The following OR51B5 variants were observed in gnomAD, a reference collection of about 807,000 sequenced individuals.
The protein encoded by OR51B5 is olfactory receptor family 51 subfamily B member 5, also known as olfactory receptor 51B5.
For missense variants in OR51B5, 456 were observed against 374.6 expected, an observed-to-expected ratio of 1.22 and a Z score of -1.79; for synonymous variants, 186 against 144.8, an observed-to-expected ratio of 1.28 and a Z score of -2.04.
intron 1 of OR51B5, among the ~76,000 whole-genome samples, chr11:5,437,780 C>A (rs1850612284): frequency 1.3e-5 from 2 of 152,170 alleles, no homozygotes; most frequent in African/African-American, 2.4e-5. Flanking sequence ...CAAACAGATT[C>A]TTTTTCCCAA....
At chr11:5,409,439 T>C (rs1179314556) in intron 1 of OR51B5, among the ~76,000 whole-genome samples, 1 of 151,914 alleles carries the variant, frequency 6.6e-6, no homozygotes, top group African/African-American at 2.4e-5. Flanking sequence ...AAAAAGCTGA[T>C]GAAATAATGG....
At chr11:5,487,753 T>A (rs1851518483) in intron 1 of OR51B5, among the ~76,000 whole-genome samples, 1 of 152,212 alleles carries the variant, frequency 6.6e-6, no homozygotes, top group Non-Finnish European at 1.5e-5. Context: ...CATTCTGATC[T>A]GACCTCACAG....
At chr11:5,418,296 C>T (rs1188397312) in intron 1 of OR51B5, among the ~76,000 whole-genome samples, 3 of 151,956 alleles carry the variant, frequency 2.0e-5, no homozygotes, top group African/African-American at 7.3e-5. Flanking sequence ...GGGAGATATA[C>T]CTAATGCTAG....
At chr11:5,357,761 T>C (rs924628722) in intron 1 of OR51B5, among the ~76,000 whole-genome samples, 2 of 149,706 alleles carry the variant, frequency 1.3e-5, no homozygotes, top group Admixed American at 6.7e-5. Context: ...CCTCAGCAAA[T>C]GTAAAAGAAC....
chr11:5,471,629 C>T (rs959612465), intron 1 of OR51B5, among the ~76,000 whole-genome samples: 8 of 110,826 alleles, frequency 7.2e-5, no homozygotes, highest in African/African-American at 2.7e-4. Flanking sequence ...GAGCAAGACT[C>T]TGTCTCAAAA....
intron 1 of OR51B5, among the ~76,000 whole-genome samples, chr11:5,484,760 C>T (rs1851476469): frequency 6.6e-6 from 1 of 152,168 alleles, no homozygotes; most frequent in East Asian, 1.9e-4. Flanking sequence ...GGCCTTGGCC[C>T]TTGTCTTTGA....
intron 1 of OR51B5, among the ~76,000 whole-genome samples, chr11:5,363,353 G>GTTTTTTT (rs112565550): frequency 1.8e-5 from 2 of 110,676 alleles, no homozygotes; most frequent in Non-Finnish European, 1.9e-5. Flanking sequence ...GTTTTTTTTG[G>GTTTTTTT]TTTTTGTTTT....
In OR51B5 at chr11:5,375,677, C is replaced by T. The variant is rs577932087; in HGVS notation, n.85-28767G>A. Among the ~76,000 whole-genome samples, 209 of 152,138 alleles carry T rather than the reference C, an allele frequency of 1.4e-3. 1 individual carries two copies. The highest frequency in any genetic ancestry group is 4.8e-3 in the African/African-American group (200 of 41,512). On this transcript the variant is annotated intron_variant and non_coding_transcript_variant, in intron 1 of 4. Transcript: ENST00000415970. ...GTTGCAATCCTAGTCTCTGATAAAACAGGCTTTAAACCAACAAAGATCAAA... is the reference window on the plus strand; with the variant it reads ...GTTGCAATCCTAGTCTCTGATAAAATAGGCTTTAAACCAACAAAGATCAAA...
At chr11:5,345,156 A>C (rs765691812), upstream of OR51B5, among the ~76,000 whole-genome samples, 7 of 152,196 alleles carry the variant, frequency 4.6e-5, no homozygotes, top group Non-Finnish European at 7.4e-5. Context: ...TTCTTACTAT[A>C]AATGTAGTAA....
intron 1 of OR51B5, among the ~76,000 whole-genome samples, chr11:5,442,975 T>C (rs965911287): frequency 2.6e-5 from 4 of 152,166 alleles, no homozygotes; most frequent in African/African-American, 9.7e-5. Flanking sequence ...GGCTTCTCCT[T>C]CTCTGCCTTC....
intron 1 of OR51B5, among the ~76,000 whole-genome samples, chr11:5,419,967 C>T (rs1240675240): frequency 6.6e-6 from 1 of 151,284 alleles, no homozygotes; most frequent in Non-Finnish European, 1.5e-5. Context: ...TTTCTATTTA[C>T]ATTTCAATGT....
chr11:5,489,290 T>G lies in OR51B5; in HGVS notation n.84+16279A>C. ...ATTGCCCGACTGGCCTGTGCCAACA[T>G]CACTGTCAATATTGTCTATGGGCTA... On this transcript the variant is annotated intron_variant and non_coding_transcript_variant, in intron 1 of 4. Transcript: ENST00000415970. 1 of 1,613,108 alleles carries G rather than the reference T, an allele frequency of 6.2e-7. No individual in the cohort carries two copies. Among genetic ancestry groups the G allele is most frequent in the Admixed American group, 1.7e-5 (1 of 59,808 alleles).
intron 1 of OR51B5, among the ~76,000 whole-genome samples, chr11:5,502,194 C>G (rs975229497): frequency 6.7e-6 from 1 of 148,448 alleles, no homozygotes; most frequent in Non-Finnish European, 1.5e-5. Context: ...CCGCTTGTCA[C>G]TCTCTCATTC....
At chr11:5,379,643 A>G (rs1215151712) in intron 1 of OR51B5, among the ~76,000 whole-genome samples, 1 of 151,680 alleles carries the variant, frequency 6.6e-6, no homozygotes, top group Admixed American at 6.6e-5. Flanking sequence ...GTTGTGTTTT[A>G]TTTTTTAATT....
At chr11:5,434,505 G>A (rs1415702935) in intron 1 of OR51B5, among the ~76,000 whole-genome samples, 1 of 152,148 alleles carries the variant, frequency 6.6e-6, no homozygotes, top group Non-Finnish European at 1.5e-5. Flanking sequence ...GGACAGAAGG[G>A]CTTGGCAGGA....
upstream of OR51B5, among the ~76,000 whole-genome samples, chr11:5,346,695 C>G (rs1848996973): frequency 6.6e-6 from 1 of 152,178 alleles, no homozygotes. Context: ...AGACTGAAAT[C>G]TGTGCACACA....
rs554072323 is a variant in OR51B5, at chr11:5,386,935, C to T, written n.85-40025G>A. Among the ~76,000 whole-genome samples, 86 of 151,966 alleles carry T rather than the reference C, an allele frequency of 5.7e-4. No homozygotes were observed. The Middle Eastern group carries it at 0.014, about 24-fold the overall frequency. ...AGAATCAGGTGTGAAAAGATGGATGCTGGGCTCAATATTAGACGTGTTGAG... is the reference window on the plus strand; with the variant it reads ...AGAATCAGGTGTGAAAAGATGGATGTTGGGCTCAATATTAGACGTGTTGAG... On this transcript the variant is annotated intron_variant and non_coding_transcript_variant, in intron 1 of 4. Coordinates refer to the OR51B5 transcript ENST00000415970.
At chr11:5,448,199 T>C (rs1415828388) in intron 1 of OR51B5, among the ~76,000 whole-genome samples, 1 of 152,226 alleles carries the variant, frequency 6.6e-6, no homozygotes, top group Non-Finnish European at 1.5e-5. Flanking sequence ...TTAAAAGAGC[T>C]GGTGTGTTTC....
At chr11:5,436,741 G>T (rs1013776179) in intron 1 of OR51B5, among the ~76,000 whole-genome samples, 3 of 152,220 alleles carry the variant, frequency 2.0e-5, no homozygotes, top group Non-Finnish European at 4.4e-5. Flanking sequence ...ACAGAGGCAT[G>T]ATGAGAGAAT....
Sources: allele counts gnomAD v4.1 joint callset (sites outside exome capture counted in the v4.1 genomes callset), GRCh38; gene constraint gnomAD v4.1.1; transcripts MANE v1.5; gene names NCBI Gene and HGNC (gene_info 2026-07-23, HGNC 2026-07-21).